Variants in EEA1 observed in about 807,000 individuals in gnomAD.
EEA1 encodes early endosome antigen 1.
EEA1 carries 111 observed loss-of-function variants against 209.2 expected under a neutral mutation model. The ratio of observed to expected loss-of-function variants is 0.53; its 90% CI spans 0.45 to 0.62. The LOEUF (loss-of-function observed/expected upper bound fraction) is 0.62, where lower values mean the gene tolerates loss of function less well. Among genes scored for constraint, EEA1 ranks in the 20% least tolerant of loss-of-function variants. EEA1 has a pLI of 0.00. For missense variants in EEA1, 1,343 were observed against 1,530.8 expected, an observed-to-expected ratio of 0.88 and a Z score of 2.05; for synonymous variants, 536 against 540.6, an observed-to-expected ratio of 0.99 and a Z score of 0.12.
chr12:92,812,654 A>C (rs914753483), intron 16 of EEA1, among the ~76,000 whole-genome samples: 12 of 152,132 alleles, frequency 7.9e-5, no homozygotes. Flanking sequence ...AATCACCAAC[A>C]CTTGAAGGGA....
In EEA1 at chr12:92,811,415, G is replaced by A; in HGVS notation, c.2063C>T (p.Thr688Ile). The A allele has an allele frequency of 6.4e-7, 1 of 1,573,126 alleles. No individual in the cohort carries two copies. The highest frequency in any genetic ancestry group is 1.2e-5 in the South Asian group (1 of 84,458). The change falls in exon 17 of 29, where the codon ACT becomes ATT. Residue 688 changes from threonine (T) to isoleucine (I), a missense_variant. This residue lies in a region of EEA1 where 1,307 missense variants were observed against 1,465.5 expected (regional missense o/e 0.89). Coordinates refer to ENST00000322349, the MANE Select transcript of EEA1 (RefSeq NM_003566.4). ...DKQQELNKIT[T>I]QLDQVTAKLQ... The stretch of plus-strand genomic sequence containing the variant: ...CTTTGCAGTGACCTGATCCAACTGA[G>A]TAGTAATCTTATTTAACTCCTTTAG...
chr12:92,853,820 A>C (rs1031735846), intron 6 of EEA1, 95 bp downstream of exon 6: 3 of 1,129,862 alleles, frequency 2.7e-6, no homozygotes, highest in Non-Finnish European at 2.5e-6. Flanking sequence ...ATAACCATGA[A>C]ACAAAATTCA....
chr12:92,901,161 T>G (rs1159434974), intron 1 of EEA1, among the ~76,000 whole-genome samples: 1 of 152,244 alleles, frequency 6.6e-6, no homozygotes, highest in African/African-American at 2.4e-5. Context: ...GCCAGATGGC[T>G]TTTCACCAAG....
chr12:92,788,389 G>C (rs970596843), intron 21 of EEA1, among the ~76,000 whole-genome samples: 2 of 151,648 alleles, frequency 1.3e-5, no homozygotes, highest in Non-Finnish European at 2.9e-5. Flanking sequence ...CGTAATTTAA[G>C]GTGGAACTAA....
At position 92,776,275 on chromosome 12, in the gene EEA1, T is replaced by G; in HGVS notation, c.4114-142A>C. 5.5e-6 allele frequency: 4 copies of G among 728,394 alleles called. No homozygotes were observed. In the East Asian group the frequency reaches 1.2e-4, roughly 21 times the overall value. The allele number at this position is 728,394 out of a possible 1,614,324, so 45.1% of individuals were successfully genotyped here. On this transcript the variant is annotated intron_variant, in intron 28 of 28. Coordinates refer to ENST00000322349, the MANE Select transcript of EEA1 (RefSeq NM_003566.4). ...TATATTATTTAATGATATGTTTCAATATGTTAACTTAATCTCTGTTATAAT... is the reference window on the plus strand; with the variant it reads ...TATATTATTTAATGATATGTTTCAAGATGTTAACTTAATCTCTGTTATAAT...
intron 18 of EEA1, among the ~76,000 whole-genome samples, chr12:92,807,246 G>T (rs929019579): frequency 4.3e-5 from 6 of 140,572 alleles, no homozygotes; most frequent in Non-Finnish European, 9.7e-5. Flanking sequence ...GAGCCACAAG[G>T]CCGATAATTT....
chr12:92,864,918 C>T lies in EEA1; in HGVS notation c.187G>A (p.Val63Ile). ...CCTGAGTCATTACCAGCATCATGAA[C>T]AGCTTCATAATGTTTGAAAAGTTCA... ...ADELFKHYEA[V>I]HDAGNDSGHG... is the part of the protein sequence containing the mutation. Residue 63 changes from valine (V) to isoleucine (I), a missense_variant, in exon 3 of 29, where the codon GTT becomes ATT. Physicochemically the swap from Val to Ile is conservative, Grantham distance 29 (BLOSUM62 3). Coordinates refer to ENST00000322349, the MANE Select transcript of EEA1 (RefSeq NM_003566.4). The T allele has an allele frequency of 6.2e-7, 1 of 1,610,588 alleles. No homozygotes were observed. Among genetic ancestry groups the T allele is most frequent in the Non-Finnish European group, 8.5e-7 (1 of 1,178,282 alleles).
chr12:92,838,233 T>C (rs1220046112), intron 10 of EEA1, among the ~76,000 whole-genome samples: 2 of 152,188 alleles, frequency 1.3e-5, no homozygotes, highest in Non-Finnish European at 2.9e-5. Context: ...TGAATATACA[T>C]ACACACAACA....
At position 92,857,456 on chromosome 12, in the gene EEA1, A is replaced by G; in HGVS notation, c.275T>C (p.Val92Ala). The G allele has an allele frequency of 6.3e-7, 1 of 1,597,726 alleles. No individual in the cohort carries two copies. The highest frequency in any genetic ancestry group is 8.5e-7 in the Non-Finnish European group (1 of 1,174,436). The change falls in exon 4 of 29, where the codon GTC becomes GCC. Residue 92 changes from valine to alanine, a missense_variant. Around this residue, in one of 3 missense-constraint regions of EEA1, gnomAD observed 1,307 missense variants for 1,465.5 expected, o/e 0.89. Transcript: ENST00000322349. ...CTTAAGTGAAGCCTGTAGGTCTTGG[A>G]CCTCTTGTCTGAGCAGTGTTACATC... ...RDDVTLLRQE[V>A]QDLQASLKEE...
At chr12:92,894,053 G>A (rs1879766919) in intron 1 of EEA1, among the ~76,000 whole-genome samples, 1 of 151,998 alleles carries the variant, frequency 6.6e-6, no homozygotes, top group South Asian at 2.1e-4. Context: ...TCACATTTTG[G>A]TAATTATCAT....
chr12:92,852,854 T>C (rs1161518034), intron 7 of EEA1, 58 bp downstream of exon 7: 2 of 1,238,690 alleles, frequency 1.6e-6, no homozygotes, highest in South Asian at 1.3e-5. Flanking sequence ...CTAGGGTATA[T>C]AATGGCAAAA....
At chr12:92,904,949 T>A (rs1439002925) in intron 1 of EEA1, among the ~76,000 whole-genome samples, 1 of 152,184 alleles carries the variant, frequency 6.6e-6, no homozygotes, top group Admixed American at 6.5e-5. Flanking sequence ...TGGCCATTGG[T>A]GATTAACTCA....
intron 12 of EEA1, among the ~76,000 whole-genome samples, chr12:92,827,226 G>A (rs9989001): frequency 1.3e-3 from 205 of 152,142 alleles, no homozygotes; most frequent in African/African-American, 4.8e-3. Flanking sequence ...GCGTAGTGGC[G>A]CACATCTGTA....
At chr12:92,915,678 T>C (rs1164231000) in intron 1 of EEA1, among the ~76,000 whole-genome samples, 1 of 152,218 alleles carries the variant, frequency 6.6e-6, no homozygotes, top group Non-Finnish European at 1.5e-5. Context: ...TCTCAAAATG[T>C]TTCTTGTTCA....
At chr12:92,877,048 A>G (rs1297234562) in intron 2 of EEA1, among the ~76,000 whole-genome samples, 2 of 151,250 alleles carry the variant, frequency 1.3e-5, no homozygotes, top group Non-Finnish European at 2.9e-5. Context: ...GGCACAAGAA[A>G]TTCTCGTGCC....
chr12:92,790,199 A>T lies in EEA1; in HGVS notation c.2968-2150T>A, dbSNP rs1592703194. On this transcript the variant is annotated intron_variant, in intron 21 of 28. Transcript: ENST00000322349. ...AGAAACCAGAGCAGAAAAGCTGAAA[A>T]TTCTAAAAATCAGAGCACCTCTTCT... Among the ~76,000 whole-genome samples the T allele has an allele frequency of 2.0e-5, 3 of 152,346 alleles. No homozygotes were observed. The South Asian group carries it at 6.2e-4, about 32-fold the overall frequency.
intron 1 of EEA1, among the ~76,000 whole-genome samples, chr12:92,907,160 C>T (rs1288179664): frequency 6.6e-6 from 1 of 152,296 alleles, no homozygotes; most frequent in East Asian, 1.9e-4. Context: ...TACTTGACCT[C>T]TTAGCTTATC....
At chr12:92,926,713 C>A (rs1355814752) in intron 1 of EEA1, among the ~76,000 whole-genome samples, 1 of 152,186 alleles carries the variant, frequency 6.6e-6, no homozygotes, top group Non-Finnish European at 1.5e-5. Flanking sequence ...TCATTGTTCA[C>A]ACTCCTCACA....
rs567016027 is a variant in EEA1 at position 92,805,967 on chromosome 12, T to A, written c.2339+3050A>T. ...CTTTCAAGATAATTTATTCCATCTG[T>A]GGCAAAACTGTCATAATACACTGAT... On this transcript the variant is annotated intron_variant, in intron 18 of 28. Transcript: ENST00000322349. Among the ~76,000 whole-genome samples, 4 of 152,336 alleles carry A rather than the reference T, an allele frequency of 2.6e-5. No individual in the cohort carries two copies. The South Asian group carries it at 8.3e-4, about 32-fold the overall frequency.
Sources: allele counts gnomAD v4.1 joint callset (sites outside exome capture counted in the v4.1 genomes callset), GRCh38; gene constraint gnomAD v4.1.1; regional missense constraint gnomAD v4.1.1; transcripts MANE v1.5; gene names NCBI Gene and HGNC (gene_info 2026-07-23, HGNC 2026-07-21).